Variants in DPYD observed in about 807,000 individuals in gnomAD.
DPYD encodes the protein dihydropyrimidine dehydrogenase, also known as dihydropyrimidine dehydrogenase [NADP(+)].
Under a neutral mutation model 116.2 loss-of-function variants are expected in DPYD, and 109 were observed. The observed-to-expected ratio is 0.94, with a 90% CI of 0.80 to 1.10. DPYD has a LOEUF of 1.10. DPYD is among the 50% of genes least tolerant of loss of function. The probability of loss-of-function intolerance (pLI) is 0.00; values close to 1 mark genes in which losing one functional copy is unlikely to be tolerated. For synonymous variants in DPYD, 440 were observed against 432.0 expected (o/e 1.02, Z -0.23); for missense variants, 1,302 against 1,254.5 (o/e 1.04, Z -0.57).
Position 97,776,010 on chromosome 1 carries a change from G to C in DPYD, c.234-35531C>G, listed in dbSNP as rs78852503. On this transcript the variant is annotated intron_variant, in intron 3 of 22. Transcript: ENST00000370192. ...TATGTATAGGCTACATGTGATGTTT[G>C]ATAAGGTTGGGAGGGAAAGCAGGTG... is the stretch of plus-strand genomic sequence containing the variant. 6.5e-4 allele frequency among the ~76,000 whole-genome samples: 99 copies of C among 152,204 alleles called. 1 individual carries two copies. In the East Asian group the frequency reaches 0.016, roughly 25 times the overall value.
intron 2 of DPYD, among the ~76,000 whole-genome samples, chr1:97,879,398 C>T (rs1414287472): frequency 2.6e-5 from 4 of 151,874 alleles, no homozygotes; most frequent in African/African-American, 9.6e-5. Context: ...TTAATTTTCA[C>T]CTAGCATAAG....
intron 14 of DPYD, among the ~76,000 whole-genome samples, chr1:97,428,138 T>G (rs1674980296): frequency 6.6e-6 from 1 of 152,108 alleles, no homozygotes; most frequent in Non-Finnish European, 1.5e-5. Flanking sequence ...TTGTCAGAAG[T>G]GTAGTATCTC....
intron 3 of DPYD, among the ~76,000 whole-genome samples, chr1:97,746,808 C>T (rs2101085935): frequency 6.6e-6 from 1 of 152,042 alleles, no homozygotes; most frequent in South Asian, 2.1e-4. Flanking sequence ...TCTACTGGGG[C>T]TCTCACTTAT....
chr1:97,371,459 T>C (rs775783309), intron 16 of DPYD, among the ~76,000 whole-genome samples: 4 of 152,006 alleles, frequency 2.6e-5, no homozygotes, highest in Non-Finnish European at 5.9e-5. Flanking sequence ...ACCCCACCAA[T>C]TGGCAAGTGT....
chr1:97,573,632 C>T, intron 11 of DPYD, 128 bp downstream of exon 11: 1 of 1,138,656 alleles, frequency 8.8e-7, no homozygotes, highest in East Asian at 2.5e-5. Context: ...ATCAAGATTG[C>T]TTTTACTTCT....
chr1:97,621,163 G>A (rs573925108), intron 8 of DPYD, among the ~76,000 whole-genome samples: 1 of 152,110 alleles, frequency 6.6e-6, no homozygotes, highest in South Asian at 2.1e-4. Flanking sequence ...TTTATTCTAG[G>A]TCCTTTCAGT....
intron 19 of DPYD, among the ~76,000 whole-genome samples, chr1:97,229,753 G>C (rs931467680): frequency 5.9e-5 from 9 of 151,622 alleles, no homozygotes; most frequent in African/African-American, 2.2e-4. Flanking sequence ...GTATTTTTTA[G>C]CTGAAATTGT....
chr1:97,649,854 G>A (rs1374095619), intron 8 of DPYD, among the ~76,000 whole-genome samples: 1 of 152,024 alleles, frequency 6.6e-6, no homozygotes, highest in Non-Finnish European at 1.5e-5. Flanking sequence ...TTCCATAGTT[G>A]GCAAAGATTT....
intron 14 of DPYD, among the ~76,000 whole-genome samples, chr1:97,432,939 C>T (rs950379070): frequency 6.6e-6 from 1 of 152,082 alleles, no homozygotes; most frequent in African/African-American, 2.4e-5. Context: ...ATTGTTAATC[C>T]AGTAACCAAC....
rs1197580670 is a variant in DPYD, at chr1:97,815,103, AAAAGAGAAGAGAAGAG to A, written c.233+12995_233+13010del. ...GAAGAAAGAAAAGAGAAGAGAAGAG[AAAAGAGAAGAGAAGAG>A]AAAAGAAAAGAAGTCCAGATCCAGA... On this transcript the variant is annotated intron_variant, in intron 3 of 22. Transcript: ENST00000370192. Among the ~76,000 whole-genome samples the A allele has an allele frequency of 2.5e-4, 37 of 150,064 alleles. No homozygotes were observed. The East Asian group carries it at 7.6e-3, about 31-fold the overall frequency.
chr1:97,164,062 A>T (rs1467487847), intron 20 of DPYD, among the ~76,000 whole-genome samples: 6 of 152,194 alleles, frequency 3.9e-5, no homozygotes, highest in African/African-American at 1.4e-4. Flanking sequence ...GAAGTGCATC[A>T]AGAAGTTAAT....
intron 13 of DPYD, among the ~76,000 whole-genome samples, chr1:97,500,565 A>G (rs1325665477): frequency 6.6e-6 from 1 of 151,954 alleles, no homozygotes; most frequent in Non-Finnish European, 1.5e-5. Flanking sequence ...TGCCAAATAT[A>G]TATGTTAAAA....
intron 8 of DPYD, among the ~76,000 whole-genome samples, chr1:97,608,148 C>T (rs1224235274): frequency 6.6e-6 from 1 of 151,760 alleles, no homozygotes; most frequent in Non-Finnish European, 1.5e-5. Flanking sequence ...CACATGAAAT[C>T]CCAGGAATCA....
intron 13 of DPYD, among the ~76,000 whole-genome samples, chr1:97,499,946 G>A (rs938177940): frequency 2.6e-5 from 4 of 151,892 alleles, no homozygotes; most frequent in African/African-American, 9.7e-5. Context: ...AATGGTAATA[G>A]AGGCAATCAT....
intron 16 of DPYD, among the ~76,000 whole-genome samples, chr1:97,367,914 T>A (rs1407967178): frequency 6.6e-6 from 1 of 152,092 alleles, no homozygotes; most frequent in Non-Finnish European, 1.5e-5. Flanking sequence ...CAAATGTGAG[T>A]ATGCACTGGG....
chr1:97,229,546 G>GTATATATA lies in DPYD; in HGVS notation c.2442+5298_2442+5305dup, dbSNP rs55638142. 1.5e-3 allele frequency among the ~76,000 whole-genome samples: 86 copies of GTATATATA among 58,142 alleles called. 4 individuals carry two copies. Among genetic ancestry groups the GTATATATA allele is most frequent in the Non-Finnish European group, 2.0e-3 (54 of 27,516 alleles). 38.1% of individuals were successfully genotyped at this position (58,142 alleles called of 152,430 possible). ...ATTTCCCACCTTATGACCATCCTAA[G>GTATATATA]TATATATATATATATATATATATAT... On this transcript the variant is annotated intron_variant, in intron 19 of 22. Coordinates refer to ENST00000370192, the MANE Select transcript of DPYD (RefSeq NM_000110.4).
At chr1:97,916,453 G>C (rs1296256363) in intron 1 of DPYD, among the ~76,000 whole-genome samples, 2 of 152,060 alleles carry the variant, frequency 1.3e-5, no homozygotes, top group Admixed American at 1.3e-4. Flanking sequence ...CCTTGTGATA[G>C]TTTGCTGAGA....
intron 1 of DPYD, among the ~76,000 whole-genome samples, chr1:97,909,232 G>C (rs893065082): frequency 6.6e-6 from 1 of 151,968 alleles, no homozygotes; most frequent in Non-Finnish European, 1.5e-5. Context: ...TTGGAAGAGG[G>C]AACTTATTTT....
chr1:97,683,275 T>C (rs1660523068), intron 7 of DPYD, among the ~76,000 whole-genome samples: 1 of 151,880 alleles, frequency 6.6e-6, no homozygotes, highest in Non-Finnish European at 1.5e-5. Context: ...ACATGTTTCC[T>C]TGTGGGAGAG....
Sources: gnomAD v4.1 joint callset for allele counts (sites outside exome capture counted in the v4.1 genomes callset) on GRCh38, gnomAD v4.1.1 for gene constraint, MANE v1.5 for transcripts, NCBI Gene and HGNC (gene_info 2026-07-23, HGNC 2026-07-21) for gene names.